EYA2: variants seen among roughly 807,000 people sequenced by gnomAD.
EYA2 encodes the protein protein phosphatase EYA2.
A neutral mutation model predicts 69.2 loss-of-function variants in EYA2; 31 were observed. That is an observed-to-expected ratio of 0.45 (90% confidence interval 0.34 to 0.60). The LOEUF (loss-of-function observed/expected upper bound fraction) is 0.60. Ranked by LOEUF, EYA2 falls within the 20% of genes least tolerant of loss-of-function variation. The pLI is 0.02. For missense variants in EYA2, 622 were observed against 701.2 expected (o/e 0.89, Z 1.28); for synonymous variants, 257 against 279.4 (o/e 0.92, Z 0.80).
At chr20:47,089,497 A>T (rs1456437230) in intron 8 of EYA2, 116 bp downstream of exon 8, 1 of 1,222,760 alleles carries the variant, frequency 8.2e-7, no homozygotes, top group Non-Finnish European at 1.1e-6. Flanking sequence ...TTCGTGTTTT[A>T]CAAAGCATGA....
intron 1 of EYA2, among the ~76,000 whole-genome samples, chr20:46,942,821 A>G (rs957283764): frequency 2.0e-5 from 3 of 152,160 alleles, no homozygotes; most frequent in Admixed American, 1.3e-4. Flanking sequence ...GCTGGAGTGC[A>G]ATGGCACGAT....
chr20:47,030,082 G>A (rs1984319033), intron 5 of EYA2, among the ~76,000 whole-genome samples: 1 of 152,214 alleles, frequency 6.6e-6, no homozygotes, highest in African/African-American at 2.4e-5. Flanking sequence ...CCAAGACAGT[G>A]TTATTTACAA....
intron 1 of EYA2, among the ~76,000 whole-genome samples, chr20:46,931,783 C>T (rs376434679): frequency 6.6e-6 from 1 of 152,188 alleles, no homozygotes; most frequent in East Asian, 1.9e-4. Flanking sequence ...TGAGCAATCC[C>T]CTCTGGGCTG....
rs551143948 is a variant in EYA2, at chr20:47,122,939, AC to A, written c.889-20119del. Reference sequence around the variant, plus strand: ...CACCACCCCTGGTCTCAAGAGCCAGACTACTCAGATCCAAAGACAGCTCCAC... The same window carrying A: ...CACCACCCCTGGTCTCAAGAGCCAGATACTCAGATCCAAAGACAGCTCCAC... On this transcript the variant is annotated intron_variant, in intron 9 of 15. Transcript: ENST00000327619. 2.9e-3 allele frequency among the ~76,000 whole-genome samples: 439 copies of A among 152,330 alleles called. 5 individuals carry two copies. The highest frequency in any genetic ancestry group is 4.0e-3 in the Non-Finnish European group (273 of 68,042).
chr20:47,174,673 G>C (rs1298970692), intron 12 of EYA2, among the ~76,000 whole-genome samples: 1 of 152,222 alleles, frequency 6.6e-6, no homozygotes, highest in Non-Finnish European at 1.5e-5. Flanking sequence ...TGCCAGTTTT[G>C]CCACCGTTTT....
chr20:46,895,587 G>C (rs1983765604), intron 1 of EYA2, among the ~76,000 whole-genome samples: 2 of 152,222 alleles, frequency 1.3e-5, no homozygotes, highest in Non-Finnish European at 2.9e-5. Flanking sequence ...CGCCTGCTGC[G>C]GGTAGAGTTG....
At chr20:47,089,188 A>G in intron 7 of EYA2, 51 bp from the exon 8 acceptor site, 2 of 1,598,002 alleles carry the variant, frequency 1.3e-6, no homozygotes, top group Non-Finnish European at 1.7e-6. Context: ...TCCCAGGAGG[A>G]GACACCCAGC....
chr20:46,922,414 T>C (rs998606351), intron 1 of EYA2, among the ~76,000 whole-genome samples: 1 of 152,242 alleles, frequency 6.6e-6, no homozygotes, highest in South Asian at 2.1e-4. Flanking sequence ...TATACTCTAC[T>C]GTACATTCCA....
intron 15 of EYA2, 69 bp downstream of exon 15, chr20:47,183,460 C>T (rs2034577520): frequency 2.1e-6 from 3 of 1,402,800 alleles, no homozygotes; most frequent in East Asian, 4.7e-5. Flanking sequence ...TTCAAGGGCT[C>T]CTTCCATGAT....
intron 5 of EYA2, among the ~76,000 whole-genome samples, chr20:47,017,011 C>T (rs1238580982): frequency 2.0e-5 from 3 of 152,184 alleles, no homozygotes; most frequent in Admixed American, 6.5e-5. Flanking sequence ...AGGATCAAGG[C>T]TCTGCAGCCC....
intron 8 of EYA2, among the ~76,000 whole-genome samples, chr20:47,095,433 A>G (rs1033343483): frequency 6.6e-6 from 1 of 152,098 alleles, no homozygotes; most frequent in Non-Finnish European, 1.5e-5. Flanking sequence ...GAAATAAGAA[A>G]ATAAAAATTT....
At chr20:46,977,082 C>T (rs544406324) in intron 1 of EYA2, among the ~76,000 whole-genome samples, 17 of 152,150 alleles carry the variant, frequency 1.1e-4, no homozygotes, top group Admixed American at 2.0e-4. Flanking sequence ...GAAAAAACAT[C>T]CTGGAACAAG....
chr20:46,995,671 G>GA (rs559949047), intron 2 of EYA2, among the ~76,000 whole-genome samples: 17 of 152,212 alleles, frequency 1.1e-4, no homozygotes, highest in Non-Finnish European at 2.2e-4. Flanking sequence ...CTCACTGGGG[G>GA]ATCCCTTAGA....
At position 47,025,499 on chromosome 20, in the gene EYA2, C is replaced by T. The variant is rs75407362; in HGVS notation, c.415+9202C>T. Among the ~76,000 whole-genome samples, 494 of 152,338 alleles carry T rather than the reference C, an allele frequency of 3.2e-3. 1 individual carries two copies. Among genetic ancestry groups the T allele is most frequent in the Non-Finnish European group, 5.8e-3 (392 of 68,034 alleles). ...TTGCTAAGTCAATATATAGAAAGAG[C>T]TTCTTCATTCTTTTTCATAGATGCC... On this transcript the variant is annotated intron_variant, in intron 5 of 15. Coordinates refer to ENST00000327619, the MANE Select transcript of EYA2 (RefSeq NM_005244.5).
intron 15 of EYA2, among the ~76,000 whole-genome samples, chr20:47,185,651 C>CGA (rs2034625495): frequency 6.6e-6 from 1 of 152,034 alleles, no homozygotes; most frequent in African/African-American, 2.4e-5. Flanking sequence ...CAACCAGAAT[C>CGA]TATCTTTGCA....
Position 46,981,166 on chromosome 20 carries a change from C to G in EYA2, c.-10-8835C>G, listed in dbSNP as rs188306354. On this transcript the variant is annotated intron_variant, in intron 1 of 15. Transcript: ENST00000327619. ...GCCTTTGAGGAAATACAGGACAGATCCTTCTATCTCCCAGCGTGGTTGAGA... is the reference window on the plus strand; with the variant it reads ...GCCTTTGAGGAAATACAGGACAGATGCTTCTATCTCCCAGCGTGGTTGAGA... 2.8e-3 allele frequency among the ~76,000 whole-genome samples: 426 copies of G among 152,268 alleles called. 1 individual carries two copies. The highest frequency in any genetic ancestry group is 0.01 in the African/African-American group (417 of 41,556).
intron 5 of EYA2, among the ~76,000 whole-genome samples, chr20:47,019,424 AAC>A (rs929297792): frequency 6.6e-6 from 1 of 152,072 alleles, no homozygotes; most frequent in Admixed American, 6.5e-5. Flanking sequence ...ATTTTTTTCA[AAC>A]ACAAACACAC....
intron 9 of EYA2, among the ~76,000 whole-genome samples, chr20:47,105,623 C>A (rs1971592): frequency 1.6e-5 from 2 of 128,964 alleles, no homozygotes; most frequent in Admixed American, 8.2e-5. Context: ...AGACTCTGTC[C>A]CAAAAAAAAA....
At chr20:46,995,664 A>T (rs908523970) in intron 2 of EYA2, among the ~76,000 whole-genome samples, 5 of 152,180 alleles carry the variant, frequency 3.3e-5, no homozygotes, top group Admixed American at 1.3e-4. Flanking sequence ...GTCTCATCTC[A>T]CTGGGGGATC....
Sources: gnomAD v4.1 joint callset for allele counts (sites outside exome capture counted in the v4.1 genomes callset) on GRCh38, gnomAD v4.1.1 for gene constraint, MANE v1.5 for transcripts, NCBI Gene and HGNC (gene_info 2026-07-23, HGNC 2026-07-21) for gene names.